SLC6A16: variants seen among roughly 807,000 people sequenced by gnomAD.
SLC6A16 encodes the protein solute carrier family 6 member 16.
Under a neutral mutation model 65.4 loss-of-function variants are expected in SLC6A16, and 54 were observed. That is an observed-to-expected ratio of 0.83 (90% CI 0.66 to 1.04). The LOEUF (loss-of-function observed/expected upper bound fraction) is 1.04. SLC6A16 is among the 50% of genes least tolerant of loss of function. The pLI, the probability that SLC6A16 is intolerant of heterozygous loss-of-function variation, is 0.00. For missense variants in SLC6A16, 816 were observed against 914.0 expected (o/e 0.89, Z 1.38); for synonymous variants, 330 against 346.5 (o/e 0.95, Z 0.53).
intron 9 of SLC6A16, 35 bp downstream of exon 9, chr19:49,293,792 G>T: frequency 1.3e-6 from 2 of 1,580,838 alleles, no homozygotes; most frequent in Non-Finnish European, 1.7e-6. Flanking sequence ...CAGGGGTCAG[G>T]GTCATTGTTA....
chr19:49,325,254 T>G (rs1032618708), upstream of SLC6A16: 1 of 985,270 alleles, frequency 1.0e-6, no homozygotes, highest in African/African-American at 1.7e-5. Flanking sequence ...CCTCACTCTT[T>G]CCCTACAGCT....
intron 7 of SLC6A16, among the ~76,000 whole-genome samples, chr19:49,298,021 A>C (rs1460854912): frequency 1.3e-5 from 2 of 152,212 alleles, no homozygotes; most frequent in East Asian, 3.8e-4. Flanking sequence ...TGACATGGCC[A>C]GTGAGTCAGA....
At chr19:49,310,326 A>G in intron 3 of SLC6A16, 27 bp downstream of exon 3, 1 of 1,612,780 alleles carries the variant, frequency 6.2e-7, no homozygotes. Context: ...TGTAAAAGTC[A>G]GGCCTGGGCA....
Position 49,293,394 on chromosome 19 carries a change from A to G in SLC6A16, c.1619-12T>C, listed in dbSNP as rs1568524094. The G allele has an allele frequency of 5.0e-6, 8 of 1,613,772 alleles. No individual in the cohort carries two copies. Among genetic ancestry groups the G allele is most frequent in the Non-Finnish European group, 5.9e-6 (7 of 1,179,884 alleles). ...CAAAAAGACTCCCACTGGAGAAAAC[A>G]TGAGATCTGGATCAAGGTTAGAAGT... is the stretch of plus-strand genomic sequence containing the variant. On this transcript the variant is annotated splice_polypyrimidine_tract_variant and intron_variant, in intron 9 of 11. Transcript: ENST00000335875.
rs775511427 is a variant in SLC6A16, at chr19:49,309,649, A to C, written c.876+2T>G. ...TCAAGGAATCCAATACTGGTGGCTC[A>C]CCTTCCCAGTGGACTTGAGCCCATT... On this transcript the variant is annotated splice_donor_variant, in intron 5 of 11. Transcript: ENST00000335875. LOFTEE classifies it high-confidence loss of function. The C allele has an allele frequency of 6.2e-7, 1 of 1,611,774 alleles. No individual in the cohort carries two copies. The highest frequency in any genetic ancestry group is 2.2e-5 in the East Asian group (1 of 44,786).
intron 4 of SLC6A16, 57 bp downstream of exon 4, chr19:49,309,983 C>T: frequency 6.3e-7 from 1 of 1,580,520 alleles, no homozygotes; most frequent in Non-Finnish European, 8.7e-7. Flanking sequence ...TTCCAAATTC[C>T]CTTCTACTTC....
In SLC6A16 at chr19:49,294,348, C is replaced by T. The variant is rs778942352; in HGVS notation, c.1416+19G>A. On this transcript the variant is annotated intron_variant, in intron 8 of 11. Coordinates refer to ENST00000335875, the MANE Select transcript of SLC6A16 (RefSeq NM_014037.3). The stretch of plus-strand genomic sequence containing the variant: ...GCTTTCAGGAACTCTAGGCTCCCCC[C>T]TCAGCTATGTTTACTGACCTTAAGA... 5.0e-6 allele frequency: 8 copies of T among 1,611,832 alleles called. No homozygotes were observed. The highest frequency in any genetic ancestry group is 6.8e-6 in the Non-Finnish European group (8 of 1,178,732).
chr19:49,309,217 A>T (rs938017931), intron 6 of SLC6A16, 84 bp downstream of exon 6: 7 of 1,581,968 alleles, frequency 4.4e-6, no homozygotes, highest in Non-Finnish European at 6.1e-6. Context: ...ATACAAAAGT[A>T]AAGAATGGGG....
At position 49,309,320 on chromosome 19, in the gene SLC6A16, T is replaced by G. The variant is rs775681624; in HGVS notation, c.968A>C (p.Gln323Pro). Residue 323 changes from glutamine to proline, a missense_variant, in exon 6 of 12, where the codon CAA (glutamine) becomes CCA (proline). By Grantham distance (76) the Gln-to-Pro change is moderately conservative. Transcript: ENST00000335875. ...LLLEGAKFGL[Q>P]QLVVAKISDV... ...TTTCACCTTGGCAACCACCAACTGTTGAAGGCCAAATTTTGCCCCTTCCAG... is the reference window on the plus strand; with the variant it reads ...TTTCACCTTGGCAACCACCAACTGTGGAAGGCCAAATTTTGCCCCTTCCAG... 7.4e-6 allele frequency: 12 copies of G among 1,613,772 alleles called. No homozygotes were observed. The highest frequency in any genetic ancestry group is 1.6e-4 in the Middle Eastern group (1 of 6,080).
intron 1 of SLC6A16, among the ~76,000 whole-genome samples, chr19:49,313,096 G>A (rs1277945066): frequency 1.9e-3 from 208 of 111,192 alleles, no homozygotes; most frequent in African/African-American, 9.8e-3. Flanking sequence ...AAAAAAAAAA[G>A]ACGATGATGG....
At chr19:49,311,972 G>A (rs1423336281) in intron 1 of SLC6A16, among the ~76,000 whole-genome samples, 2 of 149,930 alleles carry the variant, frequency 1.3e-5, no homozygotes, top group Non-Finnish European at 3.0e-5. Flanking sequence ...CAGCTACTGG[G>A]TTCAAGCGAT....
intron 7 of SLC6A16, among the ~76,000 whole-genome samples, chr19:49,305,156 T>C (rs1479419286): frequency 6.6e-6 from 1 of 152,206 alleles, no homozygotes; most frequent in Non-Finnish European, 1.5e-5. Context: ...GACACTTTGC[T>C]GAGTCTGCCT....
chr19:49,331,577 G>A, the SLC6A16 span: 36 of 354,156 alleles, frequency 1.0e-4, no homozygotes, highest in East Asian at 1.9e-3. Context: ...ACAAACAACC[G>A]TAAAATCTTA....
At chr19:49,299,315 A>T (rs1970241496) in intron 7 of SLC6A16, among the ~76,000 whole-genome samples, 1 of 151,844 alleles carries the variant, frequency 6.6e-6, no homozygotes, top group Non-Finnish European at 1.5e-5. Context: ...GCATTTTGGG[A>T]GGATGAGGCA....
intron 1 of SLC6A16, among the ~76,000 whole-genome samples, chr19:49,324,575 C>G (rs1046376683): frequency 1.3e-5 from 2 of 152,196 alleles, no homozygotes; most frequent in Non-Finnish European, 2.9e-5. Flanking sequence ...GGGGAGTGCT[C>G]AGGATCCCCC....
At chr19:49,336,278 G>A in the SLC6A16 span, 47 of 144,678 alleles carry the variant, frequency 3.2e-4, no homozygotes, top group Middle Eastern at 3.7e-3. Context: ...CCTAGGGGCC[G>A]GGCGCGGTGG....
chr19:49,312,324 T>A (rs529598478), intron 1 of SLC6A16, among the ~76,000 whole-genome samples: 1 of 152,342 alleles, frequency 6.6e-6, no homozygotes, highest in South Asian at 2.1e-4. Context: ...CACTCAGATC[T>A]CTGCTCAAAT....
chr19:49,315,795 C>T (rs1280688099), intron 1 of SLC6A16, among the ~76,000 whole-genome samples: 1 of 78,298 alleles, frequency 1.3e-5, no homozygotes, highest in African/African-American at 3.9e-5. Context: ...AATGGTGTCT[C>T]TCAAAAAAAA....
At position 49,309,829 on chromosome 19, in the gene SLC6A16, G is replaced by C. The variant is rs760198855; in HGVS notation, c.701-3C>G. ...TGTTGTCCGTTCACATTCAGGATCT[G>C]GGGGGACCTGGCTTTAGACATGCCT... is the stretch of plus-strand genomic sequence containing the variant. On this transcript the variant is annotated splice_polypyrimidine_tract_variant and splice_region_variant and intron_variant, in intron 4 of 11. Transcript: ENST00000335875. 1.9e-6 allele frequency: 3 copies of C among 1,606,038 alleles called. No homozygotes were observed. The highest frequency in any genetic ancestry group is 2.6e-6 in the Non-Finnish European group (3 of 1,173,496).
Sources: allele counts gnomAD v4.1 joint callset (sites outside exome capture counted in the v4.1 genomes callset), GRCh38; gene constraint gnomAD v4.1.1; transcripts MANE v1.5; gene names NCBI Gene and HGNC (gene_info 2026-07-23, HGNC 2026-07-21).